ENOX1: variants seen among roughly 807,000 people sequenced by gnomAD.
The protein encoded by ENOX1 is ecto-NOX disulfide-thiol exchanger 1, also known as candidate growth-related and time keeping constitutive hydroquinone (NADH) oxidase.
Under a neutral mutation model 82.5 loss-of-function variants are expected in ENOX1, and 42 were observed. That is an observed-to-expected ratio of 0.51 (90% CI 0.40 to 0.66). The LOEUF (loss-of-function observed/expected upper bound fraction) is 0.66, where lower values mean the gene tolerates loss of function less well. Among genes scored for constraint, ENOX1 ranks in the 30% least tolerant of loss-of-function variants. The probability of loss-of-function intolerance (pLI) is 0.00; values close to 1 mark genes in which losing one functional copy is unlikely to be tolerated. For missense variants in ENOX1, 608 were observed against 811.6 expected, an observed-to-expected ratio of 0.75 and a Z score of 3.05; for synonymous variants, 271 against 282.2, an observed-to-expected ratio of 0.96 and a Z score of 0.40.
rs534253424 is a variant in ENOX1, at chr13:43,296,335, C to T, written c.1446+2011G>A. 1.1e-4 allele frequency among the ~76,000 whole-genome samples: 17 copies of T among 152,224 alleles called. No homozygotes were observed. In the South Asian group the frequency reaches 1.9e-3, roughly 17 times the overall value. On this transcript the variant is annotated intron_variant, in intron 12 of 16. Transcript: ENST00000690772. ...AAGCAGAAATTTGGACACACACACA[C>T]GGAGAATGACAAGGGATGATGAAGG...
At chr13:43,464,209 CAAG>C (rs957287660) in intron 3 of ENOX1, among the ~76,000 whole-genome samples, 1 of 151,956 alleles carries the variant, frequency 6.6e-6, no homozygotes, top group Non-Finnish European at 1.5e-5. Context: ...TCAAAATCAA[CAAG>C]AAGGTCAGGA....
At chr13:43,616,174 C>CTAGATAGA (rs1366369862) in intron 2 of ENOX1, among the ~76,000 whole-genome samples, 2 of 9,278 alleles carry the variant, frequency 2.2e-4, no homozygotes, top group African/African-American at 4.5e-4. Flanking sequence ...ATCTATCTAT[C>CTAGATAGA]TATCTATCTA....
chr13:43,231,945 G>A (rs1423222446), intron 15 of ENOX1, among the ~76,000 whole-genome samples: 1 of 151,378 alleles, frequency 6.6e-6, no homozygotes, highest in Non-Finnish European at 1.5e-5. Flanking sequence ...TTTCTTTTTT[G>A]ACAGGGTCTC....
intron 1 of ENOX1, among the ~76,000 whole-genome samples, chr13:43,768,297 T>C (rs1159269524): frequency 1.3e-5 from 2 of 152,322 alleles, no homozygotes; most frequent in Non-Finnish European, 1.5e-5. Flanking sequence ...AATGAACATA[T>C]GCTTCCATAG....
Position 43,484,120 on chromosome 13 carries a change from G to A in ENOX1, c.-186C>T. 1.0e-6 allele frequency: 1 copy of A among 985,480 alleles called. No homozygotes were observed. Among genetic ancestry groups the A allele is most frequent in the East Asian group, 1.1e-4 (1 of 8,944 alleles). 61.0% of individuals were successfully genotyped at this position (985,480 alleles called of 1,614,324 possible). A position where few individuals can be genotyped will look rare whatever the true frequency, so the allele number is the denominator to read the frequency against. ...TGCTCTTCACAAAGGAAGTCTCATG[G>A]AAGACAGCATGGTTCTGACATATCA... is the stretch of plus-strand genomic sequence containing the variant. On this transcript the variant is annotated 5_prime_UTR_variant, in exon 3 of 17. Transcript: ENST00000690772.
intron 2 of ENOX1, among the ~76,000 whole-genome samples, chr13:43,593,496 G>C (rs1425791108): frequency 3.0e-5 from 3 of 98,426 alleles, no homozygotes; most frequent in African/African-American, 1.0e-4. Context: ...AAACAAAGAA[G>C]CCCTTCGAAG....
chr13:43,701,562 T>C (rs970971598), intron 1 of ENOX1, among the ~76,000 whole-genome samples: 3 of 152,214 alleles, frequency 2.0e-5, no homozygotes, highest in Admixed American at 2.0e-4. Flanking sequence ...TAAGGTAACC[T>C]ATGAAGTGTT....
At chr13:43,555,465 C>T (rs190746470) in intron 2 of ENOX1, among the ~76,000 whole-genome samples, 22 of 152,240 alleles carry the variant, frequency 1.4e-4, no homozygotes, top group African/African-American at 4.8e-4. Context: ...GAGATAATTG[C>T]TGAGGAAAGG....
intron 12 of ENOX1, among the ~76,000 whole-genome samples, chr13:43,279,682 A>G (rs919833609): frequency 1.3e-5 from 2 of 152,220 alleles, no homozygotes; most frequent in South Asian, 2.1e-4. Flanking sequence ...TCCTTGAATG[A>G]CAAAAGGTGC....
At chr13:43,481,310 GAT>G (rs2058499090) in intron 3 of ENOX1, among the ~76,000 whole-genome samples, 1 of 151,986 alleles carries the variant, frequency 6.6e-6, no homozygotes, top group Admixed American at 6.6e-5. Flanking sequence ...CATAAAGGCA[GAT>G]ATATGGACCA....
chr13:43,447,621 G>A lies in ENOX1; in HGVS notation c.-74-34633C>T, dbSNP rs757793783. On this transcript the variant is annotated intron_variant, in intron 3 of 16. Coordinates refer to ENST00000690772, the MANE Select transcript of ENOX1 (RefSeq NM_001347969.2). ...TTTCACTCATTCATATGCAAAAGCA[G>A]AAATCTGGGTCTGGCCAAGCATCTC... Among the ~76,000 whole-genome samples, 50 of 152,046 alleles carry A rather than the reference G, an allele frequency of 3.3e-4. 2 individuals are homozygous for A. Among genetic ancestry groups the A allele is most frequent in the Admixed American group, 2.0e-4 (3 of 15,252 alleles).
At chr13:43,218,767 C>A (rs757742108) in intron 16 of ENOX1, among the ~76,000 whole-genome samples, 2 of 152,160 alleles carry the variant, frequency 1.3e-5, no homozygotes, top group Non-Finnish European at 2.9e-5. Flanking sequence ...TTTCCCCTAC[C>A]CTGACAAAAT....
At chr13:43,449,679 T>C (rs575593533) in intron 3 of ENOX1, among the ~76,000 whole-genome samples, 2 of 152,322 alleles carry the variant, frequency 1.3e-5, no homozygotes, top group East Asian at 3.9e-4. Context: ...TTATTGTTTT[T>C]TTTTTGTTTG....
At chr13:43,637,033 T>G (rs956792611) in intron 2 of ENOX1, among the ~76,000 whole-genome samples, 2 of 152,190 alleles carry the variant, frequency 1.3e-5, no homozygotes, top group Non-Finnish European at 2.9e-5. Context: ...AAATCAGGAT[T>G]GGTGAGATGA....
At chr13:43,330,073 G>A (rs2048334851) in intron 9 of ENOX1, among the ~76,000 whole-genome samples, 1 of 152,158 alleles carries the variant, frequency 6.6e-6, no homozygotes, top group African/African-American at 2.4e-5. Context: ...CTTATAGCAG[G>A]AAACACCAGA....
chr13:43,785,574 T>G (rs1185679197), intron 1 of ENOX1, among the ~76,000 whole-genome samples: 1 of 152,140 alleles, frequency 6.6e-6, no homozygotes, highest in Non-Finnish European at 1.5e-5. Context: ...TCATGTAATG[T>G]TACAGCAGTG....
intron 2 of ENOX1, among the ~76,000 whole-genome samples, chr13:43,597,334 A>C (rs2081516263): frequency 6.6e-6 from 1 of 152,154 alleles, no homozygotes; most frequent in Non-Finnish European, 1.5e-5. Context: ...AAGAAAGGGA[A>C]ACAAAGGGCC....
chr13:43,469,259 T>C (rs9533506), intron 3 of ENOX1, among the ~76,000 whole-genome samples: 66,490 of 151,892 alleles, frequency 0.44, 15,029 homozygotes, highest in Non-Finnish European at 0.5. Context: ...ATGGAGTTTA[T>C]ACCGATTAAT....
At position 43,686,618 on chromosome 13, in the gene ENOX1, T is replaced by A. The variant is rs527689342; in HGVS notation, c.-284-19074A>T. On this transcript the variant is annotated intron_variant, in intron 1 of 16. Transcript: ENST00000690772. ...GAGTCTTTGGTTAAAGATTCTCACA[T>A]AGACTCTGAGACCTTACACACATGG... 3.9e-5 allele frequency among the ~76,000 whole-genome samples: 6 copies of A among 152,280 alleles called. No individual in the cohort carries two copies. In the South Asian group the frequency reaches 1.2e-3, roughly 32 times the overall value.
Sources: allele counts gnomAD v4.1 joint callset (sites outside exome capture counted in the v4.1 genomes callset), GRCh38; gene constraint gnomAD v4.1.1; transcripts MANE v1.5; gene names NCBI Gene and HGNC (gene_info 2026-07-23, HGNC 2026-07-21).